Variants in HDGFL3 observed in about 807,000 individuals in gnomAD.
The protein encoded by HDGFL3 is hepatoma-derived growth factor-related protein 3.
A neutral mutation model predicts 27.6 loss-of-function variants in HDGFL3; 6 were observed. That is an observed-to-expected ratio of 0.22 (90% CI 0.12 to 0.43). The LOEUF (loss-of-function observed/expected upper bound fraction) is 0.43, where lower values mean the gene tolerates loss of function less well. Ranked by LOEUF, HDGFL3 falls within the 20% of genes least tolerant of loss-of-function variation. HDGFL3 has a pLI of 1.00. For missense variants in HDGFL3, 207 were observed against 250.1 expected, an observed-to-expected ratio of 0.83 and a Z score of 1.16; for synonymous variants, 88 against 88.9, an observed-to-expected ratio of 0.99 and a Z score of 0.05.
Position 83,130,677 on chromosome 15 carries a change from C to T in HDGFL3, c.*8593G>A, listed in dbSNP as rs369330590. 3 of 152,144 alleles carry T rather than the reference C, an allele frequency of 2.0e-5. No homozygotes were observed. The highest frequency in any genetic ancestry group is 4.4e-5 in the Non-Finnish European group (3 of 68,036). The allele number at this position is 152,144 out of a possible 1,614,324, so 9.4% of individuals were successfully genotyped here. A position where few individuals can be genotyped will look rare whatever the true frequency, so the allele number is the denominator to read the frequency against. ...GCTAAGGAAAAGTTAGAAGCCATGC[C>T]GCAACAAAACAATAGATATGACCAG... On this transcript the variant is annotated 3_prime_UTR_variant, in exon 6 of 6. Coordinates refer to ENST00000299633, the MANE Select transcript of HDGFL3 (RefSeq NM_016073.4).
chr15:83,171,544 G>A (rs1336038674), intron 1 of HDGFL3, among the ~76,000 whole-genome samples: 1 of 152,144 alleles, frequency 6.6e-6, no homozygotes, highest in Non-Finnish European at 1.5e-5. Flanking sequence ...ATACACCAAG[G>A]AATACTACAT....
intron 1 of HDGFL3, among the ~76,000 whole-genome samples, chr15:83,176,845 C>G (rs955781901): frequency 2.6e-5 from 4 of 151,194 alleles, no homozygotes; most frequent in Non-Finnish European, 5.9e-5. Flanking sequence ...AGTTGGTTTC[C>G]CTAATTCTTA....
rs548430300 is a variant in HDGFL3, at chr15:83,207,179, G to C, written c.84+152C>G. Reference sequence around the variant, plus strand: ...GGAGCCCTTGCCTCAGCCCCGGCCCGGTCTTCTTCGTGCCGCGCCGCCCTC... The same window carrying C: ...GGAGCCCTTGCCTCAGCCCCGGCCCCGTCTTCTTCGTGCCGCGCCGCCCTC... On this transcript the variant is annotated intron_variant, in intron 1 of 5. Transcript: ENST00000299633. This position sits in a 1 kb window ranked among gnomAD's most constrained non-coding sequence, Gnocchi z 4.8. The C allele has an allele frequency of 1.8e-5, 8 of 451,058 alleles. No homozygotes were observed. The highest frequency in any genetic ancestry group is 1.3e-4 in the Admixed American group (3 of 22,412). The allele number at this position is 451,058 out of a possible 1,614,324, so 27.9% of individuals were successfully genotyped here. A position where few individuals can be genotyped will look rare whatever the true frequency, so the allele number is the denominator to read the frequency against.
chr15:83,202,685 A>C (rs758104281), intron 1 of HDGFL3, among the ~76,000 whole-genome samples: 17 of 152,298 alleles, frequency 1.1e-4, no homozygotes, highest in Non-Finnish European at 2.2e-4. Flanking sequence ...AGTATAGTGC[A>C]CAAATCTTAA....
At chr15:83,149,662 A>C (rs2151397701) in intron 5 of HDGFL3, among the ~76,000 whole-genome samples, 1 of 152,328 alleles carries the variant, frequency 6.6e-6, no homozygotes, top group South Asian at 2.1e-4. Flanking sequence ...TGGTCAAAGA[A>C]GAAATAAGAG....
Position 83,158,056 on chromosome 15 carries a change from T to C in HDGFL3, c.162-15A>G, listed in dbSNP as rs748472897. On this transcript the variant is annotated splice_polypyrimidine_tract_variant and intron_variant, in intron 2 of 5. Transcript: ENST00000299633. ...CTAGAAATGCACTGCAGAGACATAT[T>C]AGAAATAGAATTGACACACTGACCT... 23 of 1,585,882 alleles carry C rather than the reference T, an allele frequency of 1.5e-5. No homozygotes were observed. The highest frequency in any genetic ancestry group is 8.2e-5 in the African/African-American group (6 of 73,164).
At chr15:83,159,433 G>C (rs2037070541) in intron 2 of HDGFL3, among the ~76,000 whole-genome samples, 1 of 152,170 alleles carries the variant, frequency 6.6e-6, no homozygotes, top group Admixed American at 6.5e-5. Flanking sequence ...CAATGTGCCA[G>C]GCACTATTCC....
rs1354354551 is a variant in HDGFL3, at chr15:83,136,733, T to G, written c.*2537A>C. ...AACTTTTGTTATACTGGTACTGATATTTTGTCCCATTTCACTCTCTTCTCA... is the reference window on the plus strand; with the variant it reads ...AACTTTTGTTATACTGGTACTGATAGTTTGTCCCATTTCACTCTCTTCTCA... On this transcript the variant is annotated 3_prime_UTR_variant, in exon 6 of 6. Transcript: ENST00000299633. The G allele has an allele frequency of 1.4e-6, 2 of 1,400,342 alleles. No individual in the cohort carries two copies. Among genetic ancestry groups the G allele is most frequent in the Admixed American group, 4.3e-5 (2 of 46,576 alleles). 86.7% of individuals were successfully genotyped at this position (1,400,342 alleles called of 1,614,324 possible).
chr15:83,201,906 G>C (rs1008914573), intron 1 of HDGFL3, among the ~76,000 whole-genome samples: 1 of 152,176 alleles, frequency 6.6e-6, no homozygotes. Context: ...AAAAGACTGA[G>C]TGAGCTTGTG....
intron 1 of HDGFL3, among the ~76,000 whole-genome samples, 160 bp from the exon 2 acceptor site, chr15:83,164,235 C>A (rs2037135298): frequency 6.6e-6 from 1 of 151,672 alleles, no homozygotes; most frequent in African/African-American, 2.4e-5. Context: ...TTTGGCCCAC[C>A]ACATGGAAGT....
At chr15:83,125,525 C>G (rs1596507500), downstream of HDGFL3, among the ~76,000 whole-genome samples, 2 of 152,300 alleles carry the variant, frequency 1.3e-5, no homozygotes, top group Admixed American at 1.3e-4. Context: ...TAATGTACAT[C>G]AAACACTTGG....
At chr15:83,153,660 T>A (rs2036991677) in intron 4 of HDGFL3, among the ~76,000 whole-genome samples, 1 of 152,192 alleles carries the variant, frequency 6.6e-6, no homozygotes, top group Non-Finnish European at 1.5e-5. Flanking sequence ...CTAAAATTAC[T>A]GGTGGTTTAT....
chr15:83,173,898 C>A (rs1278202571), intron 1 of HDGFL3, among the ~76,000 whole-genome samples: 3 of 152,156 alleles, frequency 2.0e-5, no homozygotes, highest in Non-Finnish European at 4.4e-5. Context: ...AAGAAGTCTG[C>A]AGGCCTTCTT....
chr15:83,122,647 G>C, intron 3 of HDGFL3: 1 of 1,220,824 alleles, frequency 8.2e-7, no homozygotes, highest in Non-Finnish European at 1.1e-6. Context: ...TAAAAATATT[G>C]TCTGGCCCAT....
In HDGFL3 at chr15:83,186,569, T is replaced by C. The variant is rs545476822; in HGVS notation, c.84+20762A>G. On this transcript the variant is annotated intron_variant, in intron 1 of 5. Coordinates refer to ENST00000299633, the MANE Select transcript of HDGFL3 (RefSeq NM_016073.4). The stretch of plus-strand genomic sequence containing the variant: ...CAAAATTTTCTGTATTCTGAAATAA[T>C]ATCTTCTACAGCAACCTGGATGAAA... Among the ~76,000 whole-genome samples the C allele has an allele frequency of 2.6e-3, 395 of 152,354 alleles. 4 individuals are homozygous for C. Among genetic ancestry groups the C allele is most frequent in the African/African-American group, 9.0e-3 (374 of 41,580 alleles).
chr15:83,119,916 T>C (rs1306588291), intron 3 of HDGFL3: 4 of 437,502 alleles, frequency 9.1e-6, no homozygotes, highest in Non-Finnish European at 1.2e-5. Context: ...TTAAGCTTTC[T>C]GATTATGTTG....
chr15:83,203,597 C>G (rs1468009211), intron 1 of HDGFL3, among the ~76,000 whole-genome samples: 1 of 151,976 alleles, frequency 6.6e-6, no homozygotes, highest in African/African-American at 2.4e-5. Context: ...TCTAGAAAAT[C>G]TCTTCGGAAG....
chr15:83,181,221 T>C (rs183574961), intron 1 of HDGFL3, among the ~76,000 whole-genome samples: 1 of 152,314 alleles, frequency 6.6e-6, no homozygotes, highest in Admixed American at 6.5e-5. Context: ...AAGTTGTATA[T>C]AGCAGATGTA....
intron 4 of HDGFL3, 88 bp downstream of exon 4, chr15:83,157,327 T>C (rs774903804): frequency 2.0e-5 from 26 of 1,286,480 alleles, no homozygotes; most frequent in Non-Finnish European, 2.8e-5. Flanking sequence ...TATATTTCTA[T>C]GTACCCAATA....
Sources: gnomAD v4.1 joint callset for allele counts (sites outside exome capture counted in the v4.1 genomes callset) on GRCh38, gnomAD v4.1.1 for gene constraint, Gnocchi (gnomAD v3.1) non-coding constraint, MANE v1.5 for transcripts, NCBI Gene and HGNC (gene_info 2026-07-23, HGNC 2026-07-21) for gene names.